SLC22A15: variants seen among roughly 807,000 people sequenced by gnomAD.
The protein encoded by SLC22A15 is solute carrier family 22 member 15.
In SLC22A15, 45 loss-of-function variants were observed where a neutral mutation model predicts 62.7. The ratio of observed to expected loss-of-function variants is 0.72; its 90% CI spans 0.56 to 0.92. The LOEUF (loss-of-function observed/expected upper bound fraction) is 0.92. SLC22A15 is among the 40% of genes least tolerant of loss of function. SLC22A15 has a pLI of 0.00. For synonymous variants in SLC22A15, 264 were observed against 267.0 expected, an observed-to-expected ratio of 0.99 and a Z score of 0.11; for missense variants, 622 against 665.6, an observed-to-expected ratio of 0.93 and a Z score of 0.72.
intron 8 of SLC22A15, among the ~76,000 whole-genome samples, chr1:116,048,465 T>A (rs1250409776): frequency 6.6e-6 from 1 of 152,186 alleles, no homozygotes; most frequent in African/African-American, 2.4e-5. Flanking sequence ...CAGCCAAGAA[T>A]TTTGTATCCA....
intron 2 of SLC22A15, among the ~76,000 whole-genome samples, chr1:116,017,003 A>G (rs1315890235): frequency 6.6e-6 from 1 of 152,190 alleles, no homozygotes; most frequent in African/African-American, 2.4e-5. Context: ...CGTTCTTTGC[A>G]CTAGAATAAA....
At position 116,057,470 on chromosome 1, in the gene SLC22A15, T is replaced by C. The variant is rs555996618; in HGVS notation, c.1172-5292T>C. 5.3e-3 allele frequency among the ~76,000 whole-genome samples: 808 copies of C among 152,200 alleles called. 2 individuals are homozygous for C. Among genetic ancestry groups the C allele is most frequent in the Middle Eastern group, 0.01 (3 of 294 alleles). On this transcript the variant is annotated intron_variant, in intron 8 of 11. Coordinates refer to ENST00000369503, the MANE Select transcript of SLC22A15 (RefSeq NM_018420.3). ...TTACACTGTTGGTGGGACTGTAAAC[T>C]AGTTCAACCATTGTGGAAGTCAGTG...
chr1:116,062,062 A>G (rs1215265015), intron 8 of SLC22A15, among the ~76,000 whole-genome samples: 1 of 152,114 alleles, frequency 6.6e-6, no homozygotes, highest in East Asian at 1.9e-4. Context: ...TACAAAAATT[A>G]GCTGGGCGTA....
At chr1:116,022,295 G>A (rs1271202903) in intron 4 of SLC22A15, among the ~76,000 whole-genome samples, 2 of 152,112 alleles carry the variant, frequency 1.3e-5, no homozygotes, top group East Asian at 3.9e-4. Flanking sequence ...TGAGACTTTA[G>A]GGTCATTTTT....
At chr1:116,040,450 A>G (rs1657747556) in intron 8 of SLC22A15, among the ~76,000 whole-genome samples, 1 of 152,210 alleles carries the variant, frequency 6.6e-6, no homozygotes, top group Non-Finnish European at 1.5e-5. Flanking sequence ...TGCAGAAGGT[A>G]TTATATATTA....
At chr1:116,046,412 A>G (rs942067388) in intron 8 of SLC22A15, among the ~76,000 whole-genome samples, 6 of 152,226 alleles carry the variant, frequency 3.9e-5, no homozygotes, top group Admixed American at 6.5e-5. Flanking sequence ...AAAAATAGGC[A>G]AAAGATTTGA....
At chr1:116,002,331 A>G (rs1247765898) in intron 2 of SLC22A15, among the ~76,000 whole-genome samples, 1 of 152,134 alleles carries the variant, frequency 6.6e-6, no homozygotes, top group Non-Finnish European at 1.5e-5. Flanking sequence ...AAGGCCTGTG[A>G]CAACTATTTC....
intron 8 of SLC22A15, among the ~76,000 whole-genome samples, chr1:116,054,138 G>C (rs1217824526): frequency 1.3e-5 from 2 of 152,148 alleles, no homozygotes; most frequent in Non-Finnish European, 2.9e-5. Context: ...AGACCCATCA[G>C]TGTGCTATAT....
intron 1 of SLC22A15, among the ~76,000 whole-genome samples, chr1:115,980,011 A>G (rs538389012): frequency 1.3e-5 from 2 of 150,850 alleles, no homozygotes; most frequent in Non-Finnish European, 3.0e-5. Context: ...ATACTTAATA[A>G]CCTTATTTTT....
intron 10 of SLC22A15, among the ~76,000 whole-genome samples, chr1:116,065,180 T>C (rs1262479472): frequency 6.6e-6 from 1 of 152,140 alleles, no homozygotes; most frequent in African/African-American, 2.4e-5. Flanking sequence ...GCCAAGACTT[T>C]TTGAAAGCAA....
In SLC22A15 at chr1:116,066,595, T is replaced by C. The variant is rs749240651; in HGVS notation, c.1441T>C (p.Leu481=). ...GLTSGLLSLL[L]PETLNSPLLE... Reference sequence around the variant, plus strand: ...GACCTCCGGCCTCCTGAGTTTGTTATTGCCGGAGACCCTTAACAGTCCGCT... The same window carrying C: ...GACCTCCGGCCTCCTGAGTTTGTTACTGCCGGAGACCCTTAACAGTCCGCT... The change falls in exon 11 of 12, where the codon TTG becomes CTG. Residue 481 remains leucine, a synonymous_variant. Transcript: ENST00000369503. 6.2e-7 allele frequency: 1 copy of C among 1,609,192 alleles called. No individual in the cohort carries two copies. The highest frequency in any genetic ancestry group is 1.7e-5 in the Admixed American group (1 of 59,366).
At position 115,981,507 on chromosome 1, in the gene SLC22A15, T is replaced by A. The variant is rs191254120; in HGVS notation, c.87+4793T>A. 1.4e-4 allele frequency among the ~76,000 whole-genome samples: 22 copies of A among 152,310 alleles called. No individual in the cohort carries two copies. In the East Asian group the frequency reaches 3.3e-3, roughly 23 times the overall value. Reference sequence around the variant, plus strand: ...GGGTGGGGCAAAGAGACAAACACAGTGGTTTGGTCAAAGAAACCAAACCCA... The same window carrying A: ...GGGTGGGGCAAAGAGACAAACACAGAGGTTTGGTCAAAGAAACCAAACCCA... On this transcript the variant is annotated intron_variant, in intron 1 of 11. Transcript: ENST00000369503.
At chr1:116,023,265 T>A (rs1169562323) in intron 4 of SLC22A15, among the ~76,000 whole-genome samples, 3 of 152,148 alleles carry the variant, frequency 2.0e-5, no homozygotes, top group Non-Finnish European at 2.9e-5. Flanking sequence ...CAAAAAGGAT[T>A]TCTGGCTAAT....
intron 8 of SLC22A15, among the ~76,000 whole-genome samples, chr1:116,041,273 A>G (rs568946687): frequency 8.5e-5 from 13 of 152,296 alleles, no homozygotes; most frequent in African/African-American, 3.1e-4. Flanking sequence ...GATACTATTC[A>G]TAAACAAAAT....
intron 8 of SLC22A15, among the ~76,000 whole-genome samples, chr1:116,054,243 T>G (rs994485327): frequency 8.6e-5 from 13 of 151,692 alleles, no homozygotes; most frequent in African/African-American, 3.1e-4. Context: ...AAAAAAGGCA[T>G]GGGTTGCAAT....
rs1246664006 is a variant in SLC22A15, at chr1:116,039,555, A to G, written c.1171+2167A>G. On this transcript the variant is annotated intron_variant, in intron 8 of 11. Coordinates refer to ENST00000369503, the MANE Select transcript of SLC22A15 (RefSeq NM_018420.3). ...TCTCAATTTAAAAAAAAAGATTTCC[A>G]GGGAAATTATTTCTATTTTTAATAT... Among the ~76,000 whole-genome samples the G allele has an allele frequency of 2.0e-5, 3 of 152,246 alleles. No individual in the cohort carries two copies. In the East Asian group the frequency reaches 5.8e-4, roughly 29 times the overall value.
rs1433928887 is a variant in SLC22A15, at chr1:115,976,672, C to A, written c.45C>A (p.Ile15=). 82 of 1,587,626 alleles carry A rather than the reference C, an allele frequency of 5.2e-5. No homozygotes were observed. The highest frequency in any genetic ancestry group is 6.3e-5 in the Non-Finnish European group (74 of 1,168,722). ...EAFQAVGEMG[I]YQMYLCFLLA... ...TCCAGGCGGTGGGGGAGATGGGCAT[C>A]TACCAGATGTACTTGTGCTTCCTGC... Residue 15 remains isoleucine, a synonymous_variant, in exon 1 of 12, where the codon ATC becomes ATA. Transcript: ENST00000369503.
chr1:115,978,380 G>A (rs1327704500), intron 1 of SLC22A15, among the ~76,000 whole-genome samples: 2 of 152,162 alleles, frequency 1.3e-5, no homozygotes, highest in Non-Finnish European at 2.9e-5. Flanking sequence ...CAGTTAGTTA[G>A]AGTTTGCTAT....
intron 8 of SLC22A15, among the ~76,000 whole-genome samples, chr1:116,060,868 C>T (rs1395582077): frequency 6.6e-6 from 1 of 152,158 alleles, no homozygotes; most frequent in Non-Finnish European, 1.5e-5. Flanking sequence ...AATAGCCTGG[C>T]AGAAGAGTTT....
Sources: gnomAD v4.1 joint callset for allele counts (sites outside exome capture counted in the v4.1 genomes callset) on GRCh38, gnomAD v4.1.1 for gene constraint, MANE v1.5 for transcripts, NCBI Gene and HGNC (gene_info 2026-07-23, HGNC 2026-07-21) for gene names.